Variants in SEMA4G observed in about 807,000 individuals in gnomAD.
SEMA4G encodes semaphorin-4G.
SEMA4G carries 59 observed loss-of-function variants against 81.2 expected under a neutral mutation model. The ratio of observed to expected loss-of-function variants is 0.73; its 90% confidence interval spans 0.59 to 0.90. The LOEUF is 0.90. Ranked by LOEUF, SEMA4G falls within the 40% of genes least tolerant of loss-of-function variation. The probability of loss-of-function intolerance (pLI) is 0.00; values close to 1 mark genes in which losing one functional copy is unlikely to be tolerated. For synonymous variants in SEMA4G, 404 were observed against 433.9 expected, an observed-to-expected ratio of 0.93 and a Z score of 0.86; for missense variants, 952 against 1,102.3, an observed-to-expected ratio of 0.86 and a Z score of 1.93.
exon 14 of SEMA4G, chr10:100,984,549 C>A: frequency 6.5e-7 from 1 of 1,536,182 alleles, no homozygotes; most frequent in Non-Finnish European, 8.7e-7. Flanking sequence ...GCCCTGTGTG[C>A]TGGATGGTCC....
exon 14 of SEMA4G, chr10:100,983,783 T>A: frequency 6.2e-7 from 1 of 1,608,156 alleles, no homozygotes. Flanking sequence ...CAGGAGGATC[T>A]GCGGTGCAAC....
In SEMA4G at chr10:100,977,647, C is replaced by T. The variant is rs765790226; in HGVS notation, c.352C>T (p.His118Tyr). 6.8e-6 allele frequency: 11 copies of T among 1,613,954 alleles called. No homozygotes were observed. The highest frequency in any genetic ancestry group is 1.7e-5 in the Admixed American group (1 of 59,994). ...CATCCCACAGACGGAGTGCTTTAAC[C>T]ATGTGCGGTTCCTGCAGCGGCTCAA... Residue 118 changes from histidine (H) to tyrosine (Y), a missense_variant, in exon 4 of 14, where the codon CAT becomes TAT. His to Tyr is a moderately conservative substitution (Grantham distance 83, BLOSUM62 2). This residue lies in a region of SEMA4G where 436 missense variants were observed against 488.2 expected (regional missense o/e 0.89). Transcript: ENST00000370250.
At chr10:100,983,749 A>G (rs1327673019) in exon 14 of SEMA4G, 2 of 1,612,730 alleles carry the variant, frequency 1.2e-6, no homozygotes, top group Admixed American at 1.7e-5. Context: ...CGACGGAAAT[A>G]CTCACTGGGT....
chr10:100,973,472 G>T lies in SEMA4G; in HGVS notation c.274-75G>T. ...CCACCCCAATTTCCCCAACTCTGTG[G>T]GGTCCTATTGCCTGGTCCTATGAGT... is the stretch of plus-strand genomic sequence containing the variant. On this transcript the variant is annotated intron_variant, in intron 2 of 13. Transcript: ENST00000370250. The surrounding 1 kb of genome is among the most constrained non-coding windows in gnomAD (Gnocchi z 5.5). 1 of 1,505,146 alleles carries T rather than the reference G, an allele frequency of 6.6e-7. No homozygotes were observed. Among genetic ancestry groups the T allele is most frequent in the Non-Finnish European group, 9.2e-7 (1 of 1,086,960 alleles). 93.2% of individuals were successfully genotyped at this position (1,505,146 alleles called of 1,614,324 possible). A position where few individuals can be genotyped will look rare whatever the true frequency, so the allele number is the denominator to read the frequency against.
exon 1 of SEMA4G, chr10:100,972,540 C>T (rs1850663913): frequency 5.4e-6 from 1 of 185,160 alleles, no homozygotes; most frequent in African/African-American, 2.4e-5. Flanking sequence ...AAACGGACCT[C>T]AGAAAACCAG....
chr10:100,983,419 G>A, exon 14 of SEMA4G: 1 of 1,613,264 alleles, frequency 6.2e-7, no homozygotes, highest in East Asian at 2.2e-5. Context: ...GGGAGCATGG[G>A]CCTGAGCGAT....
rs547330938 is a variant in SEMA4G at position 100,978,275 on chromosome 10, G to A, written c.436-20G>A. ...CTGCCTGTCTTCGGAACCACTTACT[G>A]CTGGTTCCTTGTTCCCTAGGATGCT... On this transcript the variant is annotated intron_variant, in intron 4 of 13. Transcript: ENST00000370250. The A allele has an allele frequency of 2.3e-4, 372 of 1,592,982 alleles. 6 individuals are homozygous for A. The South Asian group carries it at 4.0e-3, about 17-fold the overall frequency.
chr10:100,984,280 C>G, exon 14 of SEMA4G: 1 of 1,439,730 alleles, frequency 6.9e-7, no homozygotes, highest in Non-Finnish European at 9.1e-7. Context: ...GCTGGCCAGT[C>G]AGGCCCAGCC....
exon 14 of SEMA4G, chr10:100,984,154 C>A: frequency 6.3e-7 from 1 of 1,583,890 alleles, no homozygotes; most frequent in South Asian, 1.2e-5. Flanking sequence ...AGAACAAATG[C>A]TCTTCCAAGC....
chr10:100,974,982 A>G (rs1182627161), intron 3 of SEMA4G: 2 of 527,146 alleles, frequency 3.8e-6, no homozygotes, highest in Admixed American at 2.0e-5. Context: ...CCCAAGATCC[A>G]CTGGGCCAAG....
intron 6 of SEMA4G, 51 bp downstream of exon 7, chr10:100,978,691 T>C: frequency 6.3e-7 from 1 of 1,582,296 alleles, no homozygotes; most frequent in Non-Finnish European, 8.7e-7. Context: ...TATTTCTTCA[T>C]TTTTACTCCC....
chr10:100,979,476 G>A (rs747331412), intron 8 of SEMA4G: 128 of 1,351,552 alleles, frequency 9.5e-5, no homozygotes, highest in East Asian at 1.5e-4. Context: ...TCCGCCTCCC[G>A]GGTTCAAGTG....
rs904503921 is a variant in SEMA4G, at chr10:100,978,742, C to G, written c.643+102C>G. On this transcript the variant is annotated intron_variant, in intron 6 of 13. Transcript: ENST00000370250. The stretch of plus-strand genomic sequence containing the variant: ...CCCCACCCCCAAATCCCCAGGTGAG[C>G]CTGTCCATTCCATTCCTGTGTGTTG... 1.2e-5 allele frequency: 18 copies of G among 1,552,546 alleles called. No individual in the cohort carries two copies. In the Admixed American group the frequency reaches 1.6e-4, roughly 13 times the overall value.
At chr10:100,983,168 C>T (rs939352891) in intron 13 of SEMA4G, 137 bp from the exon 15 acceptor site, 7 of 1,095,182 alleles carry the variant, frequency 6.4e-6, no homozygotes, top group African/African-American at 3.2e-5. Flanking sequence ...AGCATGAGCA[C>T]AGAGCCTGGG....
chr10:100,984,084 A>G (rs1177109703), exon 14 of SEMA4G: 1 of 1,613,476 alleles, frequency 6.2e-7, no homozygotes, highest in South Asian at 1.1e-5. Flanking sequence ...CCTGGAAAAA[A>G]GGAAGCACAC....
At chr10:100,981,273 C>T in intron 13 of SEMA4G, 44 bp downstream of exon 14, 5 of 1,606,402 alleles carry the variant, frequency 3.1e-6, no homozygotes, top group African/African-American at 1.3e-5. Flanking sequence ...GCAGACTGTC[C>T]TCTTTGCCAT....
chr10:100,983,443 A>G, exon 14 of SEMA4G: 1 of 1,614,024 alleles, frequency 6.2e-7, no homozygotes, highest in Non-Finnish European at 8.5e-7. Flanking sequence ...CAGGGTGGCT[A>G]CCGTGTGGGC....
At position 100,979,834 on chromosome 10, in the gene SEMA4G, A is replaced by G. The variant is rs1168436020; in HGVS notation, c.984-14A>G. ...CCATGTAACTCACCCCCCTTGCCCT[A>G]TGTCCCATTCTAGGAAGACCCTGGA... On this transcript the variant is annotated splice_polypyrimidine_tract_variant and intron_variant, in intron 8 of 13. Transcript: ENST00000370250. 5 of 1,612,302 alleles carry G rather than the reference A, an allele frequency of 3.1e-6. No homozygotes were observed. In the East Asian group the frequency reaches 1.1e-4, roughly 36 times the overall value.
In SEMA4G at chr10:100,972,791, T is replaced by TG; in HGVS notation, c.-121dup. ...TTGACTCCTATGACCTTATGACCCCTGACCTTCCAAGTGACTTCCTTGGAC... is the reference window on the plus strand; with the variant it reads ...TTGACTCCTATGACCTTATGACCCCTGGACCTTCCAAGTGACTTCCTTGGAC... On this transcript the variant is annotated 5_prime_UTR_variant, in exon 1 of 14. An upstream open reading frame in the 5' UTR gains an earlier in-frame stop. Transcript: ENST00000370250. 9.3e-7 allele frequency: 1 copy of TG among 1,075,102 alleles called. No individual in the cohort carries two copies. The highest frequency in any genetic ancestry group is 1.3e-6 in the Non-Finnish European group (1 of 744,792). 66.6% of individuals were successfully genotyped at this position (1,075,102 alleles called of 1,614,324 possible). A position where few individuals can be genotyped will look rare whatever the true frequency, so the allele number is the denominator to read the frequency against.
Sources: allele counts gnomAD v4.1 joint callset, GRCh38; gene constraint gnomAD v4.1.1; regional missense constraint gnomAD v4.1.1; non-coding constraint Gnocchi (gnomAD v3.1); transcripts MANE v1.5; gene names NCBI Gene and HGNC (gene_info 2026-07-23, HGNC 2026-07-21).